Variants in RASSF5 observed in about 807,000 individuals in gnomAD.
RASSF5 encodes Ras association domain family member 5, also known as ras association domain-containing protein 5.
In RASSF5, 25 loss-of-function variants were observed where a neutral mutation model predicts 40.5. That is an observed-to-expected ratio of 0.62 (90% confidence interval 0.45 to 0.86). The LOEUF (loss-of-function observed/expected upper bound fraction) is 0.86. Ranked by LOEUF, RASSF5 falls within the 40% of genes least tolerant of loss-of-function variation. RASSF5 has a pLI of 0.00. For missense variants in RASSF5, 521 were observed against 572.8 expected, an observed-to-expected ratio of 0.91 and a Z score of 0.92; for synonymous variants, 246 against 252.4, an observed-to-expected ratio of 0.97 and a Z score of 0.24.
At chr1:206,583,867 C>T (rs1668992496) in intron 3 of RASSF5, among the ~76,000 whole-genome samples, 1 of 152,188 alleles carries the variant, frequency 6.6e-6, no homozygotes, top group Non-Finnish European at 1.5e-5. Context: ...CTGCTGGTGG[C>T]TGGCATCAGC....
At chr1:206,536,633 C>T (rs1181383641) in intron 1 of RASSF5, among the ~76,000 whole-genome samples, 1 of 152,084 alleles carries the variant, frequency 6.6e-6, no homozygotes, top group Non-Finnish European at 1.5e-5. Context: ...GCTGTGGTGG[C>T]TTTTAAAAAT....
chr1:206,578,662 T>C (rs1668750088), intron 2 of RASSF5, among the ~76,000 whole-genome samples: 1 of 152,124 alleles, frequency 6.6e-6, no homozygotes, highest in Non-Finnish European at 1.5e-5. Flanking sequence ...TAGGCACGGA[T>C]GTATATAATA....
At position 206,585,209 on chromosome 1, in the gene RASSF5, C is replaced by G; in HGVS notation, c.1018C>G (p.Arg340Gly). 3 of 1,614,114 alleles carry G rather than the reference C, an allele frequency of 1.9e-6. No homozygotes were observed. Among genetic ancestry groups the G allele is most frequent in the Non-Finnish European group, 2.5e-6 (3 of 1,179,992 alleles). The change falls in exon 5 of 6, where the codon CGC becomes GGC. Residue 340 changes from arginine to glycine, a missense_variant. By Grantham distance (125) the Arg-to-Gly change is moderately radical. Transcript: ENST00000579436. The stretch of plus-strand genomic sequence containing the variant: ...CTTCCAGAAACTCTCCATTGCTGAC[C>G]GCCCCCTCTACCTGCGCCTGCTTGC... The part of the protein sequence containing the change: ...VLFQKLSIAD[R>G]PLYLRLLAGP...
intron 2 of RASSF5, among the ~76,000 whole-genome samples, chr1:206,581,458 G>A (rs142864021): frequency 0.018 from 2,721 of 152,228 alleles, 86 homozygotes; most frequent in African/African-American, 0.063. Context: ...AATTAGCTGG[G>A]TGTGGTGGTG....
Position 206,507,555 on chromosome 1 carries a change from C to A in RASSF5, c.-48C>A, listed in dbSNP as rs782445633. On this transcript the variant is annotated 5_prime_UTR_variant, in exon 1 of 6. Transcript: ENST00000579436. Reference sequence around the variant, plus strand: ...TCTCTCGGGGCTGGCTCGGGAGTAGCGCAGTCGCCAAAGCCGCCGCTGCCA... The same window carrying A: ...TCTCTCGGGGCTGGCTCGGGAGTAGAGCAGTCGCCAAAGCCGCCGCTGCCA... The A allele has an allele frequency of 3.0e-4, 423 of 1,392,044 alleles. 2 individuals are homozygous for A. The highest frequency in any genetic ancestry group is 3.7e-4 in the Non-Finnish European group (396 of 1,061,008). 86.2% of individuals were successfully genotyped at this position (1,392,044 alleles called of 1,614,324 possible).
chr1:206,554,822 A>G (rs1667939859), intron 2 of RASSF5, among the ~76,000 whole-genome samples: 1 of 152,150 alleles, frequency 6.6e-6, no homozygotes, highest in Non-Finnish European at 1.5e-5. Context: ...TTGGTATATT[A>G]TATATGATCT....
rs1668967495 is a variant in RASSF5, at chr1:206,583,285, TGGA to T, written c.601_603del (p.Glu201del). 3 of 1,612,484 alleles carry T rather than the reference TGGA, an allele frequency of 1.9e-6. No individual in the cohort carries two copies. The highest frequency in any genetic ancestry group is 2.2e-5 in the South Asian group (2 of 91,048). On this transcript the variant is annotated inframe_deletion, in exon 3 of 6. Transcript: ENST00000579436. ...CTCTTCCAGAATGTCTGTAAACCTG[TGGA>T]GGAGACACAGCGCCCGCCCACACTG...
chr1:206,589,429 T>C lies in RASSF5; in HGVS notation c.*2451T>C, dbSNP rs1669271327. 6.6e-6 allele frequency: 1 copy of C among 152,340 alleles called. No individual in the cohort carries two copies. The highest frequency in any genetic ancestry group is 1.5e-5 in the Non-Finnish European group (1 of 68,042). 9.4% of individuals were successfully genotyped at this position (152,340 alleles called of 1,614,324 possible). A position where few individuals can be genotyped will look rare whatever the true frequency, so the allele number is the denominator to read the frequency against. Reference sequence around the variant, plus strand: ...GAAATGAAGGCTACTGTTCAAATAATTTGGGAAAAATTGTCCAAATGCGTA... The same window carrying C: ...GAAATGAAGGCTACTGTTCAAATAACTTGGGAAAAATTGTCCAAATGCGTA... On this transcript the variant is annotated 3_prime_UTR_variant, in exon 6 of 6. Coordinates refer to ENST00000579436, the MANE Select transcript of RASSF5 (RefSeq NM_182663.4).
At chr1:206,575,038 T>C (rs1165181071) in intron 2 of RASSF5, among the ~76,000 whole-genome samples, 1 of 112,608 alleles carries the variant, frequency 8.9e-6, no homozygotes, top group Non-Finnish European at 2.1e-5. Context: ...GTTTTTGTTT[T>C]TTTTTTTAGA....
chr1:206,510,135 AGGTG>A (rs1666578530), intron 1 of RASSF5, among the ~76,000 whole-genome samples: 2 of 152,352 alleles, frequency 1.3e-5, no homozygotes, highest in East Asian at 3.9e-4. Context: ...GAGGGCTGGC[AGGTG>A]GAGACACAGC....
chr1:206,525,608 AAAAAC>A (rs373243297), intron 1 of RASSF5, among the ~76,000 whole-genome samples: 1 of 152,160 alleles, frequency 6.6e-6, no homozygotes, highest in Admixed American at 6.5e-5. Context: ...GCTGTTTTAC[AAAAAC>A]AAAACAAAAC....
intron 1 of RASSF5, chr1:206,518,663 G>C: frequency 4.7e-5 from 18 of 383,636 alleles, no homozygotes; most frequent in Non-Finnish European, 4.1e-5. Flanking sequence ...GCTGAGCTCA[G>C]CACCACTCCT....
rs529365950 is a variant in RASSF5 at position 206,524,587 on chromosome 1, T to A, written c.458-13585T>A. ...TATTATGTATAATATATAAAATATA[T>A]ATTATATATTATGTATAATATATAA... On this transcript the variant is annotated intron_variant, in intron 1 of 5. Transcript: ENST00000579436. Among the ~76,000 whole-genome samples, 357 of 123,182 alleles carry A rather than the reference T, an allele frequency of 2.9e-3. 4 individuals carry two copies. Among genetic ancestry groups the A allele is most frequent in the African/African-American group, 0.011 (310 of 29,068 alleles). The allele number at this position is 123,182 out of a possible 152,430, so 80.8% of individuals were successfully genotyped here.
At chr1:206,534,630 G>A (rs377038348) in intron 1 of RASSF5, among the ~76,000 whole-genome samples, 1 of 152,168 alleles carries the variant, frequency 6.6e-6, no homozygotes, top group Non-Finnish European at 1.5e-5. Flanking sequence ...GCTGGCAACT[G>A]TCTCTAGTTG....
At chr1:206,536,772 G>A (rs1228187850) in intron 1 of RASSF5, among the ~76,000 whole-genome samples, 8 of 152,078 alleles carry the variant, frequency 5.3e-5, no homozygotes, top group East Asian at 1.9e-4. Flanking sequence ...AGGCTGTCAC[G>A]ACTCCTGCCA....
Position 206,584,963 on chromosome 1 carries a change from A to G in RASSF5, c.989-217A>G. 1 of 606,484 alleles carries G rather than the reference A, an allele frequency of 1.6e-6. No individual in the cohort carries two copies. The highest frequency in any genetic ancestry group is 2.9e-6 in the Non-Finnish European group (1 of 342,264). The allele number at this position is 606,484 out of a possible 1,614,324, so 37.6% of individuals were successfully genotyped here. A position where few individuals can be genotyped will look rare whatever the true frequency, so the allele number is the denominator to read the frequency against. On this transcript the variant is annotated intron_variant, in intron 4 of 5. Coordinates refer to ENST00000579436, the MANE Select transcript of RASSF5 (RefSeq NM_182663.4). This position sits in a 1 kb window ranked among gnomAD's most constrained non-coding sequence, Gnocchi z 4.9. ...GCCCCACCATTCCTAATCTTTCAGG[A>G]GATGATGTGAATGGAATCATGCTTT...
rs1668101405 is a variant in RASSF5 at position 206,560,249 on chromosome 1, T to C, written c.579+21956T>C. ...CCTGTGTGGCTGCTCAGTTTGTGCC[T>C]GGCTAGAACAGAGCTTCAGGGAAGC... is the stretch of plus-strand genomic sequence containing the variant. On this transcript the variant is annotated intron_variant, in intron 2 of 5. Transcript: ENST00000579436. The surrounding 1 kb of genome is among the most constrained non-coding windows in gnomAD (Gnocchi z 5.1). 6.6e-6 allele frequency among the ~76,000 whole-genome samples: 1 copy of C among 152,230 alleles called. No homozygotes were observed. The highest frequency in any genetic ancestry group is 6.5e-5 in the Admixed American group (1 of 15,284).
At chr1:206,519,253 G>T (rs1572293272) in intron 1 of RASSF5, among the ~76,000 whole-genome samples, 1 of 152,312 alleles carries the variant, frequency 6.6e-6, no homozygotes, top group South Asian at 2.1e-4. Flanking sequence ...CCAATGAAAG[G>T]AAGCTGGGAC....
chr1:206,584,492 AAGG>A lies in RASSF5; in HGVS notation c.800_802del (p.Glu267del). ...GCCCCAGTCCATCTATGATGCCATC[AAGG>A]AGGTGAACCTGGCGGCTACCACGGA... On this transcript the variant is annotated inframe_deletion, in exon 4 of 6. Transcript: ENST00000579436. The surrounding 1 kb of genome is among the most constrained non-coding windows in gnomAD (Gnocchi z 4.9). The A allele has an allele frequency of 6.2e-7, 1 of 1,614,090 alleles. No homozygotes were observed. The highest frequency in any genetic ancestry group is 8.5e-7 in the Non-Finnish European group (1 of 1,179,974).
Sources: allele counts gnomAD v4.1 joint callset (sites outside exome capture counted in the v4.1 genomes callset), GRCh38; gene constraint gnomAD v4.1.1; non-coding constraint Gnocchi (gnomAD v3.1); transcripts MANE v1.5; gene names NCBI Gene and HGNC (gene_info 2026-07-23, HGNC 2026-07-21).